SEMA4B: variants seen among roughly 807,000 people sequenced by gnomAD.
SEMA4B encodes the protein semaphorin 4B, also known as semaphorin-4B.
Under a neutral mutation model 88.1 loss-of-function variants are expected in SEMA4B, and 55 were observed. The observed-to-expected ratio is 0.62, with a 90% CI of 0.50 to 0.78. The LOEUF is 0.78. Ranked by LOEUF, SEMA4B falls within the 30% of genes least tolerant of loss-of-function variation. SEMA4B has a pLI of 0.00. For missense variants in SEMA4B, 1,062 were observed against 1,111.9 expected, an observed-to-expected ratio of 0.96 and a Z score of 0.64; for synonymous variants, 525 against 473.6, an observed-to-expected ratio of 1.11 and a Z score of -1.41.
chr15:90,185,234 G>A (rs958337617), intron 1 of SEMA4B, among the ~76,000 whole-genome samples: 1 of 152,212 alleles, frequency 6.6e-6, no homozygotes, highest in African/African-American at 2.4e-5. Context: ...CGCTCTGATG[G>A]GCACTGGGGC....
chr15:90,204,543 A>G (rs1960899643), intron 1 of SEMA4B, among the ~76,000 whole-genome samples: 1 of 152,156 alleles, frequency 6.6e-6, no homozygotes, highest in Admixed American at 6.5e-5. Flanking sequence ...TCAGCTGGAA[A>G]TCTCTGAAAG....
chr15:90,202,379 A>G (rs569045560), intron 1 of SEMA4B, among the ~76,000 whole-genome samples: 2 of 152,332 alleles, frequency 1.3e-5, no homozygotes, highest in African/African-American at 4.8e-5. Context: ...GACATTCCCA[A>G]GTCCTGGGCG....
Position 90,221,750 on chromosome 15 carries a change from TGC to T in SEMA4B, c.847_848del (p.Ala283ProfsTer7). ...TTGAGAACACCATTGTGTCCCGCAT[TGC>T]CCGCATCTGCAAGGTGAGGGGAACG... ...FFENTIVSRI[A>X]RICKGDEGGE... On this transcript the variant is annotated frameshift_variant, in exon 7 of 14. Transcript: ENST00000411539. LOFTEE classifies it high-confidence loss of function. 1.2e-6 allele frequency: 2 copies of T among 1,613,868 alleles called. No individual in the cohort carries two copies. The highest frequency in any genetic ancestry group is 1.7e-6 in the Non-Finnish European group (2 of 1,179,852).
rs1471978324 is a variant in SEMA4B at position 90,219,811 on chromosome 15, A to G, written c.403A>G (p.Ile135Val). The G allele has an allele frequency of 1.2e-6, 2 of 1,613,518 alleles. No homozygotes were observed. The highest frequency in any genetic ancestry group is 1.1e-5 in the South Asian group (1 of 91,056). ...KDPQRDCQNY[I>V]KILLPLSGSH... is the part of the protein sequence containing the mutation. Reference sequence around the variant, plus strand: ...CCCCCAGCGCGACTGTCAAAACTACATCAAGATCCTCCTGCCGCTCAGCGG... The same window carrying G: ...CCCCCAGCGCGACTGTCAAAACTACGTCAAGATCCTCCTGCCGCTCAGCGG... The change falls in exon 4 of 14, where the codon ATC (isoleucine) becomes GTC (valine). Residue 135 changes from isoleucine (I) to valine (V), a missense_variant. Physicochemically the swap from Ile to Val is conservative, Grantham distance 29. Transcript: ENST00000411539.
intron 1 of SEMA4B, among the ~76,000 whole-genome samples, chr15:90,206,410 A>T (rs1960991512): frequency 6.6e-6 from 1 of 152,080 alleles, no homozygotes; most frequent in South Asian, 2.1e-4. Flanking sequence ...TCCTCTTCAC[A>T]TTCTGACCTC....
At position 90,225,197 on chromosome 15, in the gene SEMA4B, G is replaced by A; in HGVS notation, c.1405+19G>A. 2.5e-6 allele frequency: 4 copies of A among 1,574,980 alleles called. No individual in the cohort carries two copies. The highest frequency in any genetic ancestry group is 3.4e-6 in the Non-Finnish European group (4 of 1,159,878). ...GGCACTGGTAAGTGTCTGCAGCCCAGCAGGCTCAGGGGAAGGGGTGCACGT... is the reference window on the plus strand; with the variant it reads ...GGCACTGGTAAGTGTCTGCAGCCCAACAGGCTCAGGGGAAGGGGTGCACGT... On this transcript the variant is annotated intron_variant, in intron 10 of 13. Coordinates refer to ENST00000411539, the MANE Select transcript of SEMA4B (RefSeq NM_198925.4).
chr15:90,197,893 A>G (rs978505249), upstream of SEMA4B, among the ~76,000 whole-genome samples: 4 of 151,570 alleles, frequency 2.6e-5, no homozygotes, highest in Admixed American at 6.6e-5. Flanking sequence ...AGCCAGAACC[A>G]CTAGATTTAT....
chr15:90,218,070 A>G (rs1961624082), intron 3 of SEMA4B: 1 of 483,364 alleles, frequency 2.1e-6, no homozygotes, highest in South Asian at 2.2e-5. Context: ...GGGGATAATG[A>G]TCCGGTCTCA....
At chr15:90,186,211 G>C (rs1960161621) in intron 1 of SEMA4B, among the ~76,000 whole-genome samples, 1 of 152,014 alleles carries the variant, frequency 6.6e-6, no homozygotes, top group African/African-American at 2.4e-5. Flanking sequence ...CTGGTTTATA[G>C]GCTTGAGCCA....
At chr15:90,221,212 C>A in intron 5 of SEMA4B, 119 bp downstream of exon 5, 1 of 1,097,462 alleles carries the variant, frequency 9.1e-7, no homozygotes, top group Non-Finnish European at 1.4e-6. Context: ...GACAGAATGG[C>A]CAGGGGCTTG....
At chr15:90,224,120 T>G (rs899549006) in intron 9 of SEMA4B, 132 bp downstream of exon 9, 2 of 809,538 alleles carry the variant, frequency 2.5e-6, no homozygotes, top group East Asian at 5.4e-5. Flanking sequence ...ATCTTTAATA[T>G]GGGGATATAG....
chr15:90,201,494 G>A lies in SEMA4B; in HGVS notation c.-85G>A, dbSNP rs1567045728. ...GGGGCCCCCGGGGCGACTCGGGGGC[G>A]GACCGCGGGGCGGAGCTGCCGCCCG... is the stretch of plus-strand genomic sequence containing the variant. On this transcript the variant is annotated 5_prime_UTR_variant, in exon 1 of 14. Transcript: ENST00000411539. 2.3e-6 allele frequency: 3 copies of A among 1,312,724 alleles called. No individual in the cohort carries two copies. The highest frequency in any genetic ancestry group is 2.9e-6 in the Non-Finnish European group (3 of 1,034,156). 81.3% of individuals were successfully genotyped at this position (1,312,724 alleles called of 1,614,324 possible). A position where few individuals can be genotyped will look rare whatever the true frequency, so the allele number is the denominator to read the frequency against.
rs777989256 is a variant in SEMA4B, at chr15:90,223,754, A to T, written c.1043+14A>T. The T allele has an allele frequency of 6.2e-7, 1 of 1,602,818 alleles. No homozygotes were observed. Among genetic ancestry groups the T allele is most frequent in the African/African-American group, 1.3e-5 (1 of 74,658 alleles). ...CACTTCCCAGTGGTAGGGCCTCCAG[A>T]CCTCGCTGGAGATGGAAGGGTGAAG... On this transcript the variant is annotated intron_variant, in intron 8 of 13. Transcript: ENST00000411539.
chr15:90,219,730 G>C, intron 3 of SEMA4B, 63 bp from the exon 4 acceptor site: 1 of 1,309,428 alleles, frequency 7.6e-7, no homozygotes, highest in Non-Finnish European at 1.1e-6. Context: ...GGGGGGGCTC[G>C]GCGGTGCCCC....
chr15:90,212,712 C>T lies in SEMA4B; in HGVS notation c.158-4727C>T, dbSNP rs1961332131. 6.6e-6 allele frequency among the ~76,000 whole-genome samples: 1 copy of T among 152,190 alleles called. No homozygotes were observed. Among genetic ancestry groups the T allele is most frequent in the African/African-American group, 2.4e-5 (1 of 41,438 alleles). On this transcript the variant is annotated intron_variant, in intron 1 of 13. Coordinates refer to ENST00000411539, the MANE Select transcript of SEMA4B (RefSeq NM_198925.4). This position sits in a 1 kb window ranked among gnomAD's most constrained non-coding sequence, Gnocchi z 4.0. ...GGTCCTTCACAGACGTCTGCAGTCA[C>T]TCTGGAGGTGACCCAAGCACCTGGG...
chr15:90,228,408 CCTGCCCTGTGGTG>C lies in SEMA4B; in HGVS notation c.2286_2298del (p.Val763LeufsTer9), dbSNP rs1315848564. On this transcript the variant is annotated frameshift_variant, in exon 14 of 14. Transcript: ENST00000411539. LOFTEE classifies it high-confidence loss of function. ...GAATGTGCCAGCGTGCACCCCAAGA[CCTGCCCTGTGGTG>C]CTGCCCCCTGAGACCCGCCCACTCA... 2 of 1,603,768 alleles carry C rather than the reference CCTGCCCTGTGGTG, an allele frequency of 1.2e-6. No individual in the cohort carries two copies. The highest frequency in any genetic ancestry group is 1.7e-6 in the Non-Finnish European group (2 of 1,175,040).
intron 1 of SEMA4B, among the ~76,000 whole-genome samples, chr15:90,188,591 G>A (rs1385127006): frequency 1.3e-5 from 2 of 152,048 alleles, no homozygotes; most frequent in Non-Finnish European, 2.9e-5. Context: ...TCGCACCACT[G>A]CACTCCAGCC....
Position 90,223,692 on chromosome 15 carries a change from C to T in SEMA4B, c.995C>T (p.Pro332Leu). 4 of 1,613,070 alleles carry T rather than the reference C, an allele frequency of 2.5e-6. No homozygotes were observed. The highest frequency in any genetic ancestry group is 3.3e-4 in the Middle Eastern group (2 of 6,062). Residue 332 changes from proline to leucine, a missense_variant, in exon 8 of 14, where the codon CCC becomes CTC. By Grantham distance (98) the Pro-to-Leu change is moderately conservative. Transcript: ENST00000411539. Reference protein sequence around the residue: ...LQDVFTLSPSPQDWRDTLFYG... With the variant: ...LQDVFTLSPSLQDWRDTLFYG... Reference sequence around the variant, plus strand: ...GATGTCTTCACGCTGAGCCCCAGCCCCCAGGACTGGCGTGACACCCTTTTC... The same window carrying T: ...GATGTCTTCACGCTGAGCCCCAGCCTCCAGGACTGGCGTGACACCCTTTTC...
At position 90,221,090 on chromosome 15, in the gene SEMA4B, G is replaced by A; in HGVS notation, c.592G>A (p.Val198Ile). 1.9e-6 allele frequency: 3 copies of A among 1,598,238 alleles called. No individual in the cohort carries two copies. Among genetic ancestry groups the A allele is most frequent in the South Asian group, 2.3e-5 (2 of 88,186 alleles). The change falls in exon 5 of 14, where the codon GTT becomes ATT. Residue 198 changes from valine to isoleucine, a missense_variant. By Grantham distance (29) the Val-to-Ile change is conservative. Coordinates refer to ENST00000411539, the MANE Select transcript of SEMA4B (RefSeq NM_198925.4). ...DPNFKSTALV[V>I]DGELYTGTVS... is the part of the protein sequence containing the mutation. ...GAATTTCAAGTCCACTGCCCTGGTG[G>A]TTGGTGAGTGTTGAGGGCAGGATGG... is the stretch of plus-strand genomic sequence containing the variant.
Sources: allele counts gnomAD v4.1 joint callset (sites outside exome capture counted in the v4.1 genomes callset), GRCh38; gene constraint gnomAD v4.1.1; non-coding constraint Gnocchi (gnomAD v3.1); transcripts MANE v1.5; gene names NCBI Gene and HGNC (gene_info 2026-07-23, HGNC 2026-07-21).